Variants in LYRM1 observed in about 807,000 individuals in gnomAD.
LYRM1 encodes LYR motif-containing protein 1.
In LYRM1, 14 loss-of-function variants were observed where a neutral mutation model predicts 14.9. The ratio of observed to expected loss-of-function variants is 0.94; its 90% CI spans 0.62 to 1.47. The LOEUF is 1.47. Among genes scored for constraint, LYRM1 ranks in the 40% most tolerant of loss-of-function variants. The pLI is 0.00. For synonymous variants in LYRM1, 43 were observed against 56.2 expected, an observed-to-expected ratio of 0.77 and a Z score of 1.05; for missense variants, 153 against 149.9, an observed-to-expected ratio of 1.02 and a Z score of -0.11.
At chr16:20,922,867 G>A (rs1430106043) in intron 3 of LYRM1, among the ~76,000 whole-genome samples, 1 of 152,108 alleles carries the variant, frequency 6.6e-6, no homozygotes. Flanking sequence ...CTGCAAGCTG[G>A]AGACCCAGAA....
chr16:20,921,767 G>A (rs1214158916), intron 3 of LYRM1: 1 of 150,192 alleles, frequency 6.7e-6, no homozygotes, highest in Non-Finnish European at 1.5e-5. Context: ...CACTTTAACT[G>A]TTAAATGGAA....
At chr16:20,916,363 A>G (rs561214832) in intron 2 of LYRM1, among the ~76,000 whole-genome samples, 24 of 152,132 alleles carry the variant, frequency 1.6e-4, no homozygotes, top group Non-Finnish European at 2.9e-4. Flanking sequence ...ACCTCCCGGC[A>G]CTAAGCATGG....
intron 1 of LYRM1, among the ~76,000 whole-genome samples, chr16:20,908,104 G>T (rs1189066704): frequency 6.6e-6 from 1 of 152,190 alleles, no homozygotes; most frequent in Non-Finnish European, 1.5e-5. Context: ...TGGCTTTTAT[G>T]TTGGCTCCAT....
Position 20,915,674 on chromosome 16 carries a change from T to C in LYRM1, c.119T>C (p.Ile40Thr), listed in dbSNP as rs758701487. ...MEDTIKEKQYILNEARTLFRK... is the reference protein window; with the variant it reads ...MEDTIKEKQYTLNEARTLFRK... The stretch of plus-strand genomic sequence containing the variant: ...GACACCATCAAAGAAAAACAGTACA[T>C]ACTAAATGAAGCCAGAACGCTGTTC... Residue 40 changes from isoleucine to threonine, a missense_variant, in exon 2 of 4, where the codon ATA becomes ACA. Ile to Thr is a moderately conservative substitution (Grantham distance 89). Coordinates refer to ENST00000567954, the MANE Select transcript of LYRM1 (RefSeq NM_001128302.3). 3.0e-5 allele frequency: 48 copies of C among 1,613,970 alleles called. No individual in the cohort carries two copies. Among genetic ancestry groups the C allele is most frequent in the Non-Finnish European group, 3.7e-5 (44 of 1,180,006 alleles).
intron 1 of LYRM1, among the ~76,000 whole-genome samples, chr16:20,904,992 C>T (rs970773288): frequency 7.2e-5 from 11 of 152,078 alleles, no homozygotes; most frequent in African/African-American, 2.7e-4. Context: ...GCGGTGCTTC[C>T]AACAGGGTTA....
At chr16:20,916,279 GCAC>G (rs2082892952) in intron 2 of LYRM1, among the ~76,000 whole-genome samples, 8 of 152,096 alleles carry the variant, frequency 5.3e-5, no homozygotes. Flanking sequence ...TAAGGGAACT[GCAC>G]ACACAGCAGG....
At position 20,924,085 on chromosome 16, in the gene LYRM1, T is replaced by G. The variant is rs764546605; in HGVS notation, c.338T>G (p.Val113Gly). Residue 113 changes from valine to glycine, a missense_variant, in exon 4 of 4, where the codon GTA (valine) becomes GGA (glycine). Val to Gly is a moderately radical substitution (Grantham distance 109). Coordinates refer to ENST00000567954, the MANE Select transcript of LYRM1 (RefSeq NM_001128302.3). Reference protein sequence around the residue: ...QEKLRKLSKPVYLRSHDEVS With the variant: ...QEKLRKLSKPGYLRSHDEVS Reference sequence around the variant, plus strand: ...AAACTGAGGAAACTTTCCAAACCAGTATATCTCAGATCTCATGATGAAGTT... The same window carrying G: ...AAACTGAGGAAACTTTCCAAACCAGGATATCTCAGATCTCATGATGAAGTT... The G allele has an allele frequency of 6.2e-7, 1 of 1,610,044 alleles. No individual in the cohort carries two copies. The highest frequency in any genetic ancestry group is 1.1e-5 in the South Asian group (1 of 90,690).
chr16:20,900,983 G>C (rs964729067), intron 1 of LYRM1, 94 bp downstream of exon 1: 4 of 152,640 alleles, frequency 2.6e-5, no homozygotes, highest in Non-Finnish European at 5.8e-5. Flanking sequence ...TGGAGGTTGG[G>C]CTGCGGCGTT....
At chr16:20,917,436 G>A (rs2082962199) in intron 2 of LYRM1, among the ~76,000 whole-genome samples, 1 of 151,734 alleles carries the variant, frequency 6.6e-6, no homozygotes, top group Non-Finnish European at 1.5e-5. Flanking sequence ...CATATATGGG[G>A]CTGTGGGCTC....
Position 20,901,715 on chromosome 16 carries a change from C to T in LYRM1, c.-1+826C>T, listed in dbSNP as rs1442295363. On this transcript the variant is annotated intron_variant, in intron 1 of 3. Coordinates refer to ENST00000567954, the MANE Select transcript of LYRM1 (RefSeq NM_001128302.3). This position sits in a 1 kb window ranked among gnomAD's most constrained non-coding sequence, Gnocchi z 4.6. ...TTAAGGGTTTTAAGAAGGGAAGTGACCTGACCTGATTTACATTTTTAAAAA... is the reference window on the plus strand; with the variant it reads ...TTAAGGGTTTTAAGAAGGGAAGTGATCTGACCTGATTTACATTTTTAAAAA... Among the ~76,000 whole-genome samples, 1 of 152,192 alleles carries T rather than the reference C, an allele frequency of 6.6e-6. No individual in the cohort carries two copies. Among genetic ancestry groups the T allele is most frequent in the African/African-American group, 2.4e-5 (1 of 41,436 alleles).
At chr16:20,923,268 GGC>G (rs1350630681) in intron 3 of LYRM1, among the ~76,000 whole-genome samples, 3 of 152,150 alleles carry the variant, frequency 2.0e-5, no homozygotes, top group Non-Finnish European at 4.4e-5. Flanking sequence ...GGGAGGCCAA[GGC>G]AGGTGGATCA....
rs3054656 is a variant in LYRM1 at position 20,914,277 on chromosome 16, C to CTT, written c.1-1258_1-1257dup. ...TTTTGTTTGGCCTGTACAGTCGTCA[C>CTT]TTTTTTTTTTTTTTTTTTTTTTCTT... On this transcript the variant is annotated intron_variant, in intron 1 of 3. Coordinates refer to ENST00000567954, the MANE Select transcript of LYRM1 (RefSeq NM_001128302.3). Among the ~76,000 whole-genome samples the CTT allele has an allele frequency of 2.8e-4, 31 of 109,302 alleles. 1 individual carries two copies. The highest frequency in any genetic ancestry group is 2.9e-4 in the Non-Finnish European group (16 of 55,804). The allele number at this position is 109,302 out of a possible 152,430, so 71.7% of individuals were successfully genotyped here.
At chr16:20,911,863 A>G (rs2082610107) in intron 1 of LYRM1, among the ~76,000 whole-genome samples, 1 of 151,570 alleles carries the variant, frequency 6.6e-6, no homozygotes, top group South Asian at 2.1e-4. Flanking sequence ...CTCCCAAAGT[A>G]CTGGGATTAT....
In LYRM1 at chr16:20,901,658, A is replaced by C. The variant is rs2082062213; in HGVS notation, c.-1+769A>C. Among the ~76,000 whole-genome samples the C allele has an allele frequency of 6.6e-6, 1 of 152,252 alleles. No homozygotes were observed. The highest frequency in any genetic ancestry group is 2.4e-5 in the African/African-American group (1 of 41,460). ...TGGCATGACTGTAGCAGCGCCTTTT[A>C]GCCCAAGGCAGGGGTTTGGCTAATG... is the stretch of plus-strand genomic sequence containing the variant. On this transcript the variant is annotated intron_variant, in intron 1 of 3. Coordinates refer to ENST00000567954, the MANE Select transcript of LYRM1 (RefSeq NM_001128302.3). The surrounding 1 kb of genome is among the most constrained non-coding windows in gnomAD (Gnocchi z 4.6).
intron 2 of LYRM1, 99 bp from the exon 3 acceptor site, chr16:20,920,023 C>A: frequency 1.6e-6 from 1 of 613,582 alleles, no homozygotes; most frequent in Non-Finnish European, 2.7e-6. Context: ...ATTTCATTTA[C>A]TGGCTAGTGA....
intron 1 of LYRM1, among the ~76,000 whole-genome samples, chr16:20,914,426 C>T (rs903901921): frequency 6.7e-6 from 1 of 150,008 alleles, no homozygotes; most frequent in Non-Finnish European, 1.5e-5. Flanking sequence ...GTAGCTGGGA[C>T]TACAGGCACA....
chr16:20,900,504 A>G (rs1403407640), upstream of LYRM1: 1 of 152,258 alleles, frequency 6.6e-6, no homozygotes, highest in Non-Finnish European at 1.5e-5. Flanking sequence ...TTGCGTCACG[A>G]CGCACATAAA....
chr16:20,905,170 G>A (rs774849611), intron 1 of LYRM1, among the ~76,000 whole-genome samples: 9 of 152,100 alleles, frequency 5.9e-5, no homozygotes, highest in Admixed American at 3.3e-4. Flanking sequence ...AAGAGACCTC[G>A]TTGTTCTTCC....
In LYRM1 at chr16:20,920,206, C is replaced by G. The variant is rs777404701; in HGVS notation, c.244C>G (p.Pro82Ala). The change falls in exon 3 of 4, where the codon CCA becomes GCA. Residue 82 changes from proline (P) to alanine (A), a missense_variant. Transcript: ENST00000567954. Reference protein sequence around the residue: ...EIGLHYKIPYPRPIHLPPMGL... With the variant: ...EIGLHYKIPYARPIHLPPMGL... ...TGGACTGCATTACAAGATTCCTTACCCAAGGCCAGTAAGTGTGACTCCGGT... is the reference window on the plus strand; with the variant it reads ...TGGACTGCATTACAAGATTCCTTACGCAAGGCCAGTAAGTGTGACTCCGGT... The G allele has an allele frequency of 1.2e-6, 2 of 1,612,032 alleles. No homozygotes were observed. Among genetic ancestry groups the G allele is most frequent in the Non-Finnish European group, 1.7e-6 (2 of 1,178,208 alleles).
Sources: gnomAD v4.1 joint callset for allele counts (sites outside exome capture counted in the v4.1 genomes callset) on GRCh38, gnomAD v4.1.1 for gene constraint, Gnocchi (gnomAD v3.1) non-coding constraint, MANE v1.5 for transcripts, NCBI Gene and HGNC (gene_info 2026-07-23, HGNC 2026-07-21) for gene names.